SLC40A1: variants seen among roughly 807,000 people sequenced by gnomAD.
SLC40A1 encodes ferroportin.
In SLC40A1, 16 loss-of-function variants were observed where a neutral mutation model predicts 53.5. The ratio of observed to expected loss-of-function variants is 0.30; its 90% CI spans 0.20 to 0.45. The LOEUF is 0.45. SLC40A1 is among the 20% of genes least tolerant of loss of function. SLC40A1 has a pLI of 1.00. For synonymous variants in SLC40A1, 247 were observed against 253.2 expected (o/e 0.98, Z 0.23); for missense variants, 545 against 695.4 (o/e 0.78, Z 2.43).
At position 189,572,160 on chromosome 2, in the gene SLC40A1, A is replaced by G. The variant is rs1431879997; in HGVS notation, c.388-319T>C. 5.3e-5 allele frequency among the ~76,000 whole-genome samples: 8 copies of G among 152,276 alleles called. No homozygotes were observed. The South Asian group carries it at 1.7e-3, about 32-fold the overall frequency. ...ATTTCTCCCACAAATATTGCCTTTGAAAAGAATGTTGAAGGGGAATTGAAA... is the reference window on the plus strand; with the variant it reads ...ATTTCTCCCACAAATATTGCCTTTGGAAAGAATGTTGAAGGGGAATTGAAA... On this transcript the variant is annotated intron_variant, in intron 4 of 7. Transcript: ENST00000261024.
At position 189,563,808 on chromosome 2, in the gene SLC40A1, A is replaced by G. The variant is rs1322946372; in HGVS notation, c.1178T>C (p.Met393Thr). The G allele has an allele frequency of 6.2e-7, 1 of 1,614,248 alleles. No homozygotes were observed. The highest frequency in any genetic ancestry group is 1.1e-5 in the South Asian group (1 of 91,084). Reference sequence around the variant, plus strand: ...GGACAAGTCCAGGGGGCTTCCAGGCATGAATACAGAGATCACACACAAGAT... The same window carrying G: ...GGACAAGTCCAGGGGGCTTCCAGGCGTGAATACAGAGATCACACACAAGAT... ...CLILCVISVFMPGSPLDLSVS... is the reference protein window; with the variant it reads ...CLILCVISVFTPGSPLDLSVS... Residue 393 changes from methionine to threonine, a missense_variant, in exon 7 of 8, where the codon ATG (methionine) becomes ACG (threonine). Transcript: ENST00000261024.
chr2:189,575,111 C>G (rs2031247699), intron 3 of SLC40A1, 50 bp downstream of exon 3: 1 of 1,595,030 alleles, frequency 6.3e-7, no homozygotes, highest in East Asian at 2.2e-5. Flanking sequence ...AGAGGTAGCT[C>G]AGGCATTGGT....
chr2:189,579,501 T>C (rs541152323), intron 2 of SLC40A1, among the ~76,000 whole-genome samples: 60 of 152,346 alleles, frequency 3.9e-4, no homozygotes, highest in African/African-American at 1.3e-3. Flanking sequence ...GTAGCAGATA[T>C]GTCTATTTAC....
chr2:189,571,554 C>T (rs1170950275), intron 5 of SLC40A1, among the ~76,000 whole-genome samples, 161 bp downstream of exon 5: 1 of 151,858 alleles, frequency 6.6e-6, no homozygotes, highest in Non-Finnish European at 1.5e-5. Context: ...GATAAATCAG[C>T]ACTAAAACTG....
At chr2:189,577,661 C>G (rs1335331000) in intron 2 of SLC40A1, among the ~76,000 whole-genome samples, 1 of 144,094 alleles carries the variant, frequency 6.9e-6, no homozygotes, top group African/African-American at 2.6e-5. Context: ...GTTGTCCAGG[C>G]TGGAGTGTAG....
chr2:189,563,438 A>C (rs1056034402), intron 7 of SLC40A1, 146 bp downstream of exon 7: 1 of 633,960 alleles, frequency 1.6e-6, no homozygotes, highest in African/African-American at 1.8e-5. Context: ...ATAAAGTATA[A>C]ATATGTAAAA....
chr2:189,571,582 A>G, intron 5 of SLC40A1, 133 bp downstream of exon 5: 2 of 1,437,790 alleles, frequency 1.4e-6, no homozygotes, highest in South Asian at 2.6e-5. Context: ...GGTAAGAAAA[A>G]AAGTATGCTT....
At chr2:189,566,078 T>C (rs1289369199) in intron 5 of SLC40A1, among the ~76,000 whole-genome samples, 2 of 152,048 alleles carry the variant, frequency 1.3e-5, no homozygotes, top group African/African-American at 4.8e-5. Flanking sequence ...AAACACTGCA[T>C]ATGTCAGATG....
chr2:189,580,505 CT>C lies in SLC40A1; in HGVS notation c.-46del. ...GGCTCTTCTGCGGCTGCTATCGCTG[CT>C]GCTGCTCTCGCTGAGGTGCTTGTTA... On this transcript the variant is annotated 5_prime_UTR_variant, in exon 1 of 8. Transcript: ENST00000261024. The C allele has an allele frequency of 6.2e-7, 1 of 1,611,746 alleles. No homozygotes were observed. The highest frequency in any genetic ancestry group is 8.5e-7 in the Non-Finnish European group (1 of 1,179,866).
chr2:189,578,407 A>T, intron 2 of SLC40A1: 1 of 992,036 alleles, frequency 1.0e-6, no homozygotes, highest in Non-Finnish European at 1.2e-6. Flanking sequence ...TTTAATGAAC[A>T]TGACAAAATA....
At chr2:189,563,275 C>CAA (rs1256387955) in intron 7 of SLC40A1, among the ~76,000 whole-genome samples, 4 of 58,112 alleles carry the variant, frequency 6.9e-5, no homozygotes, top group South Asian at 6.2e-4. Context: ...ACCCTGATCT[C>CAA]AAAAAAAAAA....
At chr2:189,569,516 T>G (rs2105625721) in intron 5 of SLC40A1, among the ~76,000 whole-genome samples, 1 of 152,358 alleles carries the variant, frequency 6.6e-6, no homozygotes, top group Admixed American at 6.5e-5. Context: ...TTGTCCCATT[T>G]TTCCTTTATC....
intron 5 of SLC40A1, among the ~76,000 whole-genome samples, chr2:189,568,783 C>T (rs991301998): frequency 6.6e-6 from 1 of 152,112 alleles, no homozygotes; most frequent in African/African-American, 2.4e-5. Flanking sequence ...ATCAATACCA[C>T]ACGAACACAA....
In SLC40A1 at chr2:189,561,967, G is replaced by T; in HGVS notation, c.1627C>A (p.Gln543Lys). ...AAGAGCTTGTTTCCCAGAGTATTTTGGGCAAATCGGAAATACATAATGTGG... is the reference window on the plus strand; with the variant it reads ...AAGAGCTTGTTTCCCAGAGTATTTTTGGCAAATCGGAAATACATAATGTGG... ...MGHIMYFRFA[Q>K]NTLGNKLFAC... The change falls in exon 8 of 8, where the codon CAA becomes AAA. Residue 543 changes from glutamine to lysine, a missense_variant. Physicochemically the swap from Gln to Lys is moderately conservative, Grantham distance 53. Around this residue, in one of 4 missense-constraint regions of SLC40A1, gnomAD observed 234 missense variants for 299.0 expected, o/e 0.78. Transcript: ENST00000261024. The T allele has an allele frequency of 6.2e-7, 1 of 1,614,034 alleles. No homozygotes were observed. Among genetic ancestry groups the T allele is most frequent in the Non-Finnish European group, 8.5e-7 (1 of 1,179,966 alleles).
chr2:189,572,752 T>G, intron 4 of SLC40A1, 94 bp downstream of exon 4: 1 of 844,706 alleles, frequency 1.2e-6, no homozygotes, highest in South Asian at 1.4e-5. Flanking sequence ...AAGGTCACAC[T>G]GGCCAAAAAA....
chr2:189,578,233 A>G, intron 2 of SLC40A1: 1 of 996,764 alleles, frequency 1.0e-6, no homozygotes, highest in Non-Finnish European at 1.2e-6. Flanking sequence ...TGTTAGAGAC[A>G]TTCCTCTTTT....
chr2:189,562,024 C>A lies in SLC40A1; in HGVS notation c.1570G>T (p.Val524Leu), dbSNP rs142456282. The change falls in exon 8 of 8, where the codon GTA (valine) becomes TTA (leucine). Residue 524 changes from valine (V) to leucine (L), a missense_variant. Transcript: ENST00000261024. Reference sequence around the variant, plus strand: ...GCCACAAAGGAGACTGAAATCAATACGAGCAAGCCAAAAGCTTCAGGATTT... The same window carrying A: ...GCCACAAAGGAGACTGAAATCAATAAGAGCAAGCCAAAAGCTTCAGGATTT... The part of the protein sequence containing the change: ...APNPEAFGLL[V>L]LISVSFVAMG... The A allele has an allele frequency of 6.2e-7, 1 of 1,614,020 alleles. No individual in the cohort carries two copies. The highest frequency in any genetic ancestry group is 8.5e-7 in the Non-Finnish European group (1 of 1,179,976).
chr2:189,575,766 A>C (rs1443713267), intron 2 of SLC40A1, among the ~76,000 whole-genome samples: 1 of 152,222 alleles, frequency 6.6e-6, no homozygotes, highest in Non-Finnish European at 1.5e-5. Flanking sequence ...GAGCATCAAG[A>C]AAAAGCCAGT....
In SLC40A1 at chr2:189,565,589, G is replaced by C. The variant is rs762788153; in HGVS notation, c.525C>G (p.Ala175=). The change falls in exon 6 of 8, where the codon GCC becomes GCG. Residue 175 remains alanine, a synonymous_variant. Coordinates refer to ENST00000261024, the MANE Select transcript of SLC40A1 (RefSeq NM_014585.6). ...TTAACTGGTCAATCCTTCGTATTGTGGCATTCATATCTAGAGAGGCAGGTG... is the reference window on the plus strand; with the variant it reads ...TTAACTGGTCAATCCTTCGTATTGTCGCATTCATATCTAGAGAGGCAGGTG... ...EDRSKLANMN[A]TIRRIDQLTN... 6.2e-7 allele frequency: 1 copy of C among 1,614,182 alleles called. No homozygotes were observed. Among genetic ancestry groups the C allele is most frequent in the Non-Finnish European group, 8.5e-7 (1 of 1,180,036 alleles).
Sources: gnomAD v4.1 joint callset for allele counts (sites outside exome capture counted in the v4.1 genomes callset) on GRCh38, gnomAD v4.1.1 for gene constraint, gnomAD v4.1.1 regional missense constraint, MANE v1.5 for transcripts, NCBI Gene and HGNC (gene_info 2026-07-23, HGNC 2026-07-21) for gene names.